Variants in NXPE4 observed in about 807,000 individuals in gnomAD.
NXPE4 encodes NXPE family member 4.
NXPE4 carries 42 observed loss-of-function variants against 33.3 expected under a neutral mutation model. The observed-to-expected ratio is 1.26, with a 90% confidence interval of 0.98 to 1.63. The LOEUF (loss-of-function observed/expected upper bound fraction) is 1.63, where lower values mean the gene tolerates loss of function less well. NXPE4 is among the 40% of genes most tolerant of loss of function. NXPE4 has a pLI of 0.00. For synonymous variants in NXPE4, 253 were observed against 234.9 expected (o/e 1.08, Z -0.71); for missense variants, 709 against 647.6 (o/e 1.09, Z -1.03).
At chr11:114,656,869 G>C in the NXPE4 span, among the ~76,000 whole-genome samples, 1 of 152,246 alleles carries the variant, frequency 6.6e-6, no homozygotes, top group African/African-American at 2.4e-5. Flanking sequence ...GAGATGGGCA[G>C]ATCACAAGGT....
upstream of NXPE4, among the ~76,000 whole-genome samples, chr11:114,597,330 C>T (rs941206094): frequency 6.6e-6 from 1 of 152,124 alleles, no homozygotes; most frequent in African/African-American, 2.4e-5. Context: ...GAACAGTGAT[C>T]TGAAATCTGA....
chr11:114,610,891 G>A, the NXPE4 span, among the ~76,000 whole-genome samples: 5 of 151,814 alleles, frequency 3.3e-5, no homozygotes, highest in Non-Finnish European at 5.9e-5. Flanking sequence ...ATTGTCTCAT[G>A]GGTAATCAAT....
intron 2 of NXPE4, among the ~76,000 whole-genome samples, chr11:114,589,112 A>T (rs779139412): frequency 6.6e-6 from 1 of 152,094 alleles, no homozygotes; most frequent in Admixed American, 6.5e-5. Flanking sequence ...AAGTCAGAGG[A>T]CTTTAAAAAG....
the NXPE4 span, among the ~76,000 whole-genome samples, chr11:114,611,429 G>T: frequency 1.1e-4 from 17 of 151,878 alleles, no homozygotes; most frequent in South Asian, 3.5e-3. Flanking sequence ...TGCCTCTAGG[G>T]TAATCACTGT....
the NXPE4 span, among the ~76,000 whole-genome samples, chr11:114,627,839 T>C: frequency 6.7e-6 from 1 of 149,864 alleles, no homozygotes; most frequent in Non-Finnish European, 1.5e-5. Flanking sequence ...ACCAAGCAAA[T>C]GGAAAACAAA....
chr11:114,592,059 C>T lies in NXPE4; in HGVS notation c.96+2605G>A, dbSNP rs1281187740. Among the ~76,000 whole-genome samples, 4 of 152,166 alleles carry T rather than the reference C, an allele frequency of 2.6e-5. No individual in the cohort carries two copies. In the East Asian group the frequency reaches 5.8e-4, roughly 22 times the overall value. On this transcript the variant is annotated intron_variant, in intron 2 of 5. Coordinates refer to ENST00000375478, the MANE Select transcript of NXPE4 (RefSeq NM_001077639.2). Reference sequence around the variant, plus strand: ...ATAAAAAACATGTATAACAAATCCACAGCTAACATCACATTCAATGTGAAA... The same window carrying T: ...ATAAAAAACATGTATAACAAATCCATAGCTAACATCACATTCAATGTGAAA...
chr11:114,668,833 A>C, the NXPE4 span, among the ~76,000 whole-genome samples: 1 of 152,282 alleles, frequency 6.6e-6, no homozygotes, highest in East Asian at 1.9e-4. Flanking sequence ...AAATAACTGG[A>C]CAAAATCATC....
At chr11:114,602,363 T>A in the NXPE4 span, among the ~76,000 whole-genome samples, 1 of 127,388 alleles carries the variant, frequency 7.9e-6, no homozygotes, top group East Asian at 2.2e-4. Context: ...ATATATAATA[T>A]GTTATATACA....
the NXPE4 span, among the ~76,000 whole-genome samples, chr11:114,661,416 C>T: frequency 2.0e-5 from 3 of 152,146 alleles, no homozygotes; most frequent in African/African-American, 7.2e-5. Context: ...AGATAGGCAA[C>T]AAAGGTAAAC....
At chr11:114,646,515 G>C in the NXPE4 span, among the ~76,000 whole-genome samples, 4 of 151,942 alleles carry the variant, frequency 2.6e-5, no homozygotes, top group African/African-American at 9.6e-5. Context: ...TTAGAACAAT[G>C]TAATTTTTTA....
At chr11:114,592,668 T>C (rs1371350673) in intron 2 of NXPE4, among the ~76,000 whole-genome samples, 1 of 152,008 alleles carries the variant, frequency 6.6e-6, no homozygotes, top group African/African-American at 2.4e-5. Flanking sequence ...TTCATCGAAA[T>C]AGAAAAACAA....
the NXPE4 span, among the ~76,000 whole-genome samples, chr11:114,607,821 A>G: frequency 6.7e-6 from 1 of 149,044 alleles, no homozygotes; most frequent in South Asian, 2.1e-4. Context: ...AGTAACCACT[A>G]TTACCCATTG....
rs1174384409 is a variant in NXPE4, at chr11:114,583,480, G to A, written c.97-459C>T. On this transcript the variant is annotated intron_variant, in intron 2 of 5. Coordinates refer to ENST00000375478, the MANE Select transcript of NXPE4 (RefSeq NM_001077639.2). ...ACAGTGATGACTACATTAAATTCTT[G>A]TGCTCCATCTATCCAGATTACGTGT... 3 of 649,384 alleles carry A rather than the reference G, an allele frequency of 4.6e-6. No homozygotes were observed. The Admixed American group carries it at 5.5e-5, about 12-fold the overall frequency. The allele number at this position is 649,384 out of a possible 1,614,324, so 40.2% of individuals were successfully genotyped here. A position where few individuals can be genotyped will look rare whatever the true frequency, so the allele number is the denominator to read the frequency against.
the NXPE4 span, among the ~76,000 whole-genome samples, chr11:114,646,923 G>A: frequency 9.2e-5 from 14 of 152,286 alleles, no homozygotes; most frequent in Admixed American, 2.0e-4. Flanking sequence ...TCACTAGAAA[G>A]TTGCCAAATA....
chr11:114,628,351 T>C, the NXPE4 span, among the ~76,000 whole-genome samples: 1 of 152,236 alleles, frequency 6.6e-6, no homozygotes, highest in African/African-American at 2.4e-5. Flanking sequence ...AAACTAGAAC[T>C]CAGGATTAAG....
At chr11:114,632,445 A>G in the NXPE4 span, among the ~76,000 whole-genome samples, 373 of 130,462 alleles carry the variant, frequency 2.9e-3, 8 homozygotes, top group East Asian at 0.06. Context: ...TATAATATAT[A>G]ATTTATAAGA....
chr11:114,664,477 G>A, the NXPE4 span, among the ~76,000 whole-genome samples: 1 of 152,092 alleles, frequency 6.6e-6, no homozygotes, highest in Non-Finnish European at 1.5e-5. Flanking sequence ...TTTACTTCAC[G>A]TAAATTGCAC....
the NXPE4 span, among the ~76,000 whole-genome samples, chr11:114,632,745 T>C: frequency 3.7e-5 from 2 of 54,340 alleles, no homozygotes; most frequent in Non-Finnish European, 3.2e-5. Flanking sequence ...ATATAAAATA[T>C]ATTATAATAT....
chr11:114,623,908 CA>C, the NXPE4 span, among the ~76,000 whole-genome samples: 1 of 151,990 alleles, frequency 6.6e-6, no homozygotes, highest in Non-Finnish European at 1.5e-5. Context: ...CTAGGGTAAT[CA>C]TTGCTACCCA....
Sources: gnomAD v4.1 joint callset for allele counts (sites outside exome capture counted in the v4.1 genomes callset) on GRCh38, gnomAD v4.1.1 for gene constraint, MANE v1.5 for transcripts, NCBI Gene and HGNC (gene_info 2026-07-23, HGNC 2026-07-21) for gene names.